JMJD1C: variants seen among roughly 807,000 people sequenced by gnomAD.
JMJD1C encodes the protein jumonji domain-containing protein 1C.
Under a neutral mutation model 245.3 loss-of-function variants are expected in JMJD1C, and 31 were observed. The observed-to-expected ratio is 0.13, with a 90% CI of 0.09 to 0.17. The LOEUF is 0.17. Ranked by LOEUF, JMJD1C falls within the 10% of genes least tolerant of loss-of-function variation. JMJD1C has a pLI of 1.00. For missense variants in JMJD1C, 2,691 were observed against 3,000.2 expected (o/e 0.90, Z 2.41); for synonymous variants, 1,057 against 1,017.4 (o/e 1.04, Z -0.74).
intron 2 of JMJD1C, among the ~76,000 whole-genome samples, chr10:63,278,935 T>C (rs1335508748): frequency 2.6e-5 from 4 of 152,002 alleles, no homozygotes; most frequent in South Asian, 2.1e-4. Context: ...GAAAGCTATC[T>C]CTATTTTCAA....
chr10:63,256,868 T>C (rs1028081001), intron 3 of JMJD1C, among the ~76,000 whole-genome samples: 1 of 152,134 alleles, frequency 6.6e-6, no homozygotes, highest in African/African-American at 2.4e-5. Flanking sequence ...AAAAGGGAGA[T>C]GCATATGAAA....
At chr10:63,483,349 A>T (rs1243343246) in intron 1 of JMJD1C, among the ~76,000 whole-genome samples, 2 of 152,230 alleles carry the variant, frequency 1.3e-5, no homozygotes, top group Admixed American at 1.3e-4. Flanking sequence ...GCATAAGTCT[A>T]GATCAGAAAG....
intron 3 of JMJD1C, among the ~76,000 whole-genome samples, chr10:63,238,409 GCTT>G (rs1458700475): frequency 6.6e-6 from 1 of 151,826 alleles, no homozygotes; most frequent in Non-Finnish European, 1.5e-5. Flanking sequence ...CATATTAAAT[GCTT>G]ATTATAGTTT....
intron 1 of JMJD1C, among the ~76,000 whole-genome samples, chr10:63,460,729 T>C (rs1187565279): frequency 1.3e-5 from 2 of 152,164 alleles, no homozygotes; most frequent in Non-Finnish European, 2.9e-5. Context: ...AAAAATAATA[T>C]ATAAAATCTA....
At chr10:63,387,926 C>T (rs1017457214) in intron 1 of JMJD1C, among the ~76,000 whole-genome samples, 5 of 151,734 alleles carry the variant, frequency 3.3e-5, no homozygotes, top group Middle Eastern at 3.4e-3. Context: ...TGAGCCACTG[C>T]GCCTGGCCGA....
In JMJD1C at chr10:63,214,498, C is replaced by T. The variant is rs1443321451; in HGVS notation, c.1669G>A (p.Ala557Thr). The change falls in exon 8 of 26, where the codon GCA becomes ACA. Residue 557 changes from alanine to threonine, a missense_variant. By Grantham distance (58) the Ala-to-Thr change is moderately conservative. Around this residue, in one of 9 missense-constraint regions of JMJD1C, gnomAD observed 1,562 missense variants for 1,490.7 expected, o/e 1.05. Coordinates refer to ENST00000399262, the MANE Select transcript of JMJD1C (RefSeq NM_032776.3). ...CAGCTCTGGTCAGAATCTTTTTTTGCTGTTTCCAAGAATTTTGCATTTGCA... is the reference window on the plus strand; with the variant it reads ...CAGCTCTGGTCAGAATCTTTTTTTGTTGTTTCCAAGAATTTTGCATTTGCA... Reference protein sequence around the residue: ...SIANAKFLETAKKDSDQSWVS... With the variant: ...SIANAKFLETTKKDSDQSWVS... 6.2e-7 allele frequency: 1 copy of T among 1,613,512 alleles called. No individual in the cohort carries two copies. Among genetic ancestry groups the T allele is most frequent in the Admixed American group, 1.7e-5 (1 of 59,934 alleles).
At chr10:63,284,262 G>A (rs1438047825) in intron 2 of JMJD1C, among the ~76,000 whole-genome samples, 2 of 152,160 alleles carry the variant, frequency 1.3e-5, no homozygotes, top group Admixed American at 1.3e-4. Context: ...CTGACCTCAA[G>A]TGAACCATCC....
chr10:63,347,067 ATTTTT>A (rs71025162), intron 2 of JMJD1C, among the ~76,000 whole-genome samples: 1 of 104,170 alleles, frequency 9.6e-6, no homozygotes, highest in Admixed American at 9.6e-5. Context: ...AATGAAAAGA[ATTTTT>A]TTTTTTTTTT....
chr10:63,486,462 A>G (rs189487122), intron 1 of JMJD1C, among the ~76,000 whole-genome samples: 16 of 152,298 alleles, frequency 1.1e-4, no homozygotes, highest in African/African-American at 3.6e-4. Context: ...TAGAATAACT[A>G]ATCTACCTGT....
chr10:63,167,424 T>A lies in JMJD1C; in HGVS notation c.*621A>T, dbSNP rs1841957474. On this transcript the variant is annotated 3_prime_UTR_variant, in exon 26 of 26. Transcript: ENST00000399262. ...AAAGTTCACATAAATTTTACCAAAA[T>A]GAGACAATTTTAAATAAATTACACC... 1.3e-5 allele frequency: 2 copies of A among 152,628 alleles called. No homozygotes were observed. The highest frequency in any genetic ancestry group is 4.8e-5 in the African/African-American group (2 of 41,450). 9.5% of individuals were successfully genotyped at this position (152,628 alleles called of 1,614,324 possible). A position where few individuals can be genotyped will look rare whatever the true frequency, so the allele number is the denominator to read the frequency against.
chr10:63,388,776 T>C (rs1430128349), intron 1 of JMJD1C, among the ~76,000 whole-genome samples: 3 of 152,170 alleles, frequency 2.0e-5, no homozygotes, highest in East Asian at 3.8e-4. Context: ...CACAACTATA[T>C]GCTGCCCAAA....
rs1431235048 is a variant in JMJD1C, at chr10:63,419,099, A to G, written c.169-38617T>C. Among the ~76,000 whole-genome samples the G allele has an allele frequency of 4.7e-5, 7 of 150,464 alleles. No individual in the cohort carries two copies. In the East Asian group the frequency reaches 1.4e-3, roughly 30 times the overall value. ...CTCAAAAAAAAAAAAAAAAATCTAG[A>G]TAAGGACCAGACACAGTGACTCCTG... On this transcript the variant is annotated intron_variant, in intron 1 of 25. Coordinates refer to ENST00000399262, the MANE Select transcript of JMJD1C (RefSeq NM_032776.3).
At chr10:63,365,962 TG>T (rs1376168726) in intron 2 of JMJD1C, among the ~76,000 whole-genome samples, 1 of 152,158 alleles carries the variant, frequency 6.6e-6, no homozygotes, top group African/African-American at 2.4e-5. Context: ...TATCTAAAAA[TG>T]TGATTTACAA....
chr10:63,320,923 TCA>T (rs1940775390), intron 2 of JMJD1C, among the ~76,000 whole-genome samples: 1 of 152,172 alleles, frequency 6.6e-6, no homozygotes, highest in Admixed American at 6.5e-5. Flanking sequence ...GTTGGAAAGT[TCA>T]TAGCCCCACC....
chr10:63,408,963 A>G (rs999795185), intron 1 of JMJD1C, among the ~76,000 whole-genome samples: 3 of 152,180 alleles, frequency 2.0e-5, no homozygotes, highest in Non-Finnish European at 4.4e-5. Flanking sequence ...TACGTAACTT[A>G]GGGAGTATCT....
rs1456585561 is a variant in JMJD1C at position 63,203,851 on chromosome 10, C to T, written c.5074+2744G>A. ...CATATTACATAGTTTAGGTGTAAGC[C>T]TAACTCATTCTTTTTGATTGACCAT... On this transcript the variant is annotated intron_variant, in intron 10 of 25. Transcript: ENST00000399262. 3 of 981,448 alleles carry T rather than the reference C, an allele frequency of 3.1e-6. No homozygotes were observed. In the African/African-American group the frequency reaches 5.3e-5, roughly 17 times the overall value. 60.8% of individuals were successfully genotyped at this position (981,448 alleles called of 1,614,324 possible).
At chr10:63,416,133 A>T (rs917092298) in intron 1 of JMJD1C, among the ~76,000 whole-genome samples, 1 of 152,196 alleles carries the variant, frequency 6.6e-6, no homozygotes, top group Admixed American at 6.5e-5. Flanking sequence ...ATTAAAAAAT[A>T]AAAAAGCCAA....
At chr10:63,330,246 T>C (rs1316053748) in intron 2 of JMJD1C, among the ~76,000 whole-genome samples, 1 of 152,160 alleles carries the variant, frequency 6.6e-6, no homozygotes, top group African/African-American at 2.4e-5. Context: ...TGATGTTTGG[T>C]AGGTTAAGTG....
At chr10:63,396,177 A>G (rs1012403496) in intron 1 of JMJD1C, among the ~76,000 whole-genome samples, 6 of 151,902 alleles carry the variant, frequency 3.9e-5, no homozygotes, top group Non-Finnish European at 7.4e-5. Context: ...CCTTCTCCCA[A>G]AGGCAATGAT....
Sources: allele counts gnomAD v4.1 joint callset (sites outside exome capture counted in the v4.1 genomes callset), GRCh38; gene constraint gnomAD v4.1.1; regional missense constraint gnomAD v4.1.1; transcripts MANE v1.5; gene names NCBI Gene and HGNC (gene_info 2026-07-23, HGNC 2026-07-21).